HIGD1C: variants seen among roughly 807,000 people sequenced by gnomAD.
HIGD1C encodes HIG1 hypoxia inducible domain family member 1C.
Under a neutral mutation model 13.1 loss-of-function variants are expected in HIGD1C, and 11 were observed. The observed-to-expected ratio is 0.84, with a 90% confidence interval of 0.53 to 1.39. The LOEUF is 1.39. Among genes scored for constraint, HIGD1C ranks in the 40% most tolerant of loss-of-function variants. The pLI is 0.00. For missense variants in HIGD1C, 110 were observed against 112.0 expected, an observed-to-expected ratio of 0.98 and a Z score of 0.08; for synonymous variants, 36 against 37.7, an observed-to-expected ratio of 0.95 and a Z score of 0.17.
intron 2 of HIGD1C, among the ~76,000 whole-genome samples, chr12:50,964,931 T>C (rs1297258318): frequency 4.6e-5 from 7 of 152,178 alleles, no homozygotes; most frequent in Non-Finnish European, 8.8e-5. Context: ...TCTCACTATG[T>C]TGCCCAAGCT....
At chr12:50,972,007 C>T (rs114682072), downstream of HIGD1C, among the ~76,000 whole-genome samples, 1,293 of 152,308 alleles carry the variant, frequency 8.5e-3, 20 homozygotes, top group African/African-American at 0.029. Flanking sequence ...TTGGTCAACA[C>T]TGTCCTCTTT....
chr12:50,959,031 C>CA (rs1012359512), intron 1 of HIGD1C, among the ~76,000 whole-genome samples: 3 of 151,524 alleles, frequency 2.0e-5, no homozygotes, highest in Non-Finnish European at 2.9e-5. Context: ...GAAAAACAAA[C>CA]AAAAAAAAGA....
chr12:50,950,564 G>A (rs770774292), upstream of HIGD1C, among the ~76,000 whole-genome samples: 6 of 151,864 alleles, frequency 4.0e-5, no homozygotes, highest in South Asian at 2.1e-4. Flanking sequence ...GTGCAGTGGC[G>A]CAATCTTGGC....
At chr12:50,954,615 C>T (rs112942776) in intron 1 of HIGD1C, among the ~76,000 whole-genome samples, 2,951 of 152,098 alleles carry the variant, frequency 0.019, 78 homozygotes, top group African/African-American at 0.065. Flanking sequence ...AATCCCAGCG[C>T]TTTGGGAGGC....
At chr12:50,956,591 A>G (rs1939105345) in intron 1 of HIGD1C, among the ~76,000 whole-genome samples, 1 of 152,162 alleles carries the variant, frequency 6.6e-6, no homozygotes, top group Non-Finnish European at 1.5e-5. Context: ...AATCACTGTT[A>G]AGGTCTCTGC....
the HIGD1C span, among the ~76,000 whole-genome samples, chr12:50,938,115 T>C: frequency 6.6e-6 from 1 of 151,966 alleles, no homozygotes; most frequent in Non-Finnish European, 1.5e-5. Flanking sequence ...CCCTCCGCCA[T>C]CAATATGCCC....
At chr12:50,938,488 A>C in the HIGD1C span, among the ~76,000 whole-genome samples, 1 of 152,148 alleles carries the variant, frequency 6.6e-6, no homozygotes, top group East Asian at 1.9e-4. Context: ...GGCCAGCTGC[A>C]GCTGTGCCCA....
chr12:50,955,117 C>T lies in HIGD1C; in HGVS notation c.94+1025C>T, dbSNP rs534186142. On this transcript the variant is annotated intron_variant, in intron 1 of 2. Transcript: ENST00000398455. The stretch of plus-strand genomic sequence containing the variant: ...GACCAGCCTGGCCAATAGGGTGAAA[C>T]CCCATCTCTACTAAAAATACAAAAA... 6.6e-5 allele frequency among the ~76,000 whole-genome samples: 10 copies of T among 152,286 alleles called. No homozygotes were observed. In the South Asian group the frequency reaches 1.9e-3, roughly 28 times the overall value.
upstream of HIGD1C, among the ~76,000 whole-genome samples, chr12:50,952,641 G>A (rs1401663811): frequency 1.3e-5 from 2 of 152,212 alleles, no homozygotes; most frequent in African/African-American, 4.8e-5. Flanking sequence ...GTGCAGCAAC[G>A]TCACGTCTTT....
upstream of HIGD1C, among the ~76,000 whole-genome samples, chr12:50,952,800 G>A (rs1938946174): frequency 6.6e-6 from 1 of 152,176 alleles, no homozygotes; most frequent in Non-Finnish European, 1.5e-5. Context: ...TGTTTCCGAA[G>A]GATGGCAAGA....
At chr12:50,961,151 T>C (rs2139807820) in intron 2 of HIGD1C, 49 bp downstream of exon 4, 1 of 1,563,760 alleles carries the variant, frequency 6.4e-7, no homozygotes, top group Non-Finnish European at 8.8e-7. Context: ...TGAGAGTACA[T>C]TTATTTATTT....
chr12:50,937,787 G>C, the HIGD1C span, among the ~76,000 whole-genome samples: 7 of 152,288 alleles, frequency 4.6e-5, no homozygotes, highest in African/African-American at 1.2e-4. Flanking sequence ...GCAGCCCTCA[G>C]CAGAGAGGAG....
the HIGD1C span, among the ~76,000 whole-genome samples, chr12:50,943,546 T>C: frequency 5.5e-4 from 83 of 152,026 alleles, no homozygotes; most frequent in African/African-American, 1.9e-3. Flanking sequence ...CCATCTCTAC[T>C]AAAAATACAA....
At chr12:50,952,539 C>G (rs112784414), upstream of HIGD1C, among the ~76,000 whole-genome samples, 1 of 152,172 alleles carries the variant, frequency 6.6e-6, no homozygotes, top group Non-Finnish European at 1.5e-5. Context: ...GCAAAGGCCA[C>G]GTCCACCACC....
chr12:50,958,281 TC>T (rs1164748386), intron 1 of HIGD1C, among the ~76,000 whole-genome samples: 2 of 134,344 alleles, frequency 1.5e-5, no homozygotes, highest in Non-Finnish European at 3.2e-5. Flanking sequence ...GCTAAAATAA[TC>T]TTTTTTTTTT....
At chr12:50,952,789 G>A (rs931975388), upstream of HIGD1C, among the ~76,000 whole-genome samples, 2 of 152,204 alleles carry the variant, frequency 1.3e-5, no homozygotes, top group African/African-American at 2.4e-5. Context: ...TGGCTAGGGC[G>A]TGTTTCCGAA....
upstream of HIGD1C, chr12:50,949,232 G>A (rs1938848895): frequency 1.3e-5 from 2 of 154,100 alleles, no homozygotes; most frequent in Middle Eastern, 5.2e-4. Context: ...TGTCCAGGCT[G>A]TGTCGCTTCT....
chr12:50,959,684 G>A (rs1939250186), intron 1 of HIGD1C, among the ~76,000 whole-genome samples: 1 of 152,052 alleles, frequency 6.6e-6, no homozygotes, highest in Admixed American at 6.6e-5. Flanking sequence ...GTCTTGCTCT[G>A]TCACCCAAGC....
At chr12:50,957,612 T>C (rs979481088) in intron 1 of HIGD1C, among the ~76,000 whole-genome samples, 4 of 150,998 alleles carry the variant, frequency 2.6e-5, no homozygotes, top group African/African-American at 9.7e-5. Flanking sequence ...CAACCAGGCA[T>C]GGTGGCTCAC....
Sources: allele counts gnomAD v4.1 joint callset (sites outside exome capture counted in the v4.1 genomes callset), GRCh38; gene constraint gnomAD v4.1.1; transcripts MANE v1.5; gene names NCBI Gene and HGNC (gene_info 2026-07-23, HGNC 2026-07-21).